The following PAX5 variants were observed in gnomAD, a reference collection of about 807,000 sequenced individuals.
PAX5 encodes the protein paired box protein Pax-5.
PAX5 carries 9 observed loss-of-function variants against 43.7 expected under a neutral mutation model. The observed-to-expected ratio is 0.21, with a 90% CI of 0.12 to 0.36. PAX5 has a LOEUF of 0.36. Ranked by LOEUF, PAX5 falls within the 10% of genes least tolerant of loss-of-function variation. The pLI is 1.00. For missense variants in PAX5, 383 were observed against 532.7 expected (o/e 0.72, Z 2.77); for synonymous variants, 228 against 214.3 (o/e 1.06, Z -0.56).
At chr9:36,895,648 C>T (rs1236736455) in intron 7 of PAX5, among the ~76,000 whole-genome samples, 1 of 152,206 alleles carries the variant, frequency 6.6e-6, no homozygotes, top group Non-Finnish European at 1.5e-5. Context: ...CAGTTATTAC[C>T]TCTGATGCCT....
chr9:36,992,824 A>G (rs1213130718), intron 5 of PAX5, among the ~76,000 whole-genome samples: 2 of 152,258 alleles, frequency 1.3e-5, no homozygotes, highest in African/African-American at 2.4e-5. Flanking sequence ...AGCCTGAAGC[A>G]GAAATTTTCA....
At chr9:37,020,592 C>G (rs1203851034) in intron 2 of PAX5, 44 bp downstream of exon 2, 2 of 1,596,466 alleles carry the variant, frequency 1.3e-6, no homozygotes. Flanking sequence ...TGTTTTAGGT[C>G]TTTATTTGAA....
chr9:36,942,099 G>A (rs1442317472), intron 6 of PAX5, among the ~76,000 whole-genome samples: 1 of 152,202 alleles, frequency 6.6e-6, no homozygotes, highest in Non-Finnish European at 1.5e-5. Context: ...ACATGAACTC[G>A]TGTGCCCACC....
chr9:37,033,373 G>A (rs1193830342), intron 1 of PAX5, among the ~76,000 whole-genome samples: 8 of 152,184 alleles, frequency 5.3e-5, no homozygotes, highest in South Asian at 4.1e-4. Flanking sequence ...TCGGACAGCC[G>A]TTGACATCCA....
chr9:37,024,225 A>T (rs1294150057), intron 1 of PAX5, among the ~76,000 whole-genome samples: 2 of 152,212 alleles, frequency 1.3e-5, no homozygotes, highest in Admixed American at 6.5e-5. Flanking sequence ...GCTCAGGAAG[A>T]GAGCAGGAGG....
At chr9:36,962,241 C>A (rs1172020507) in intron 6 of PAX5, among the ~76,000 whole-genome samples, 1 of 152,158 alleles carries the variant, frequency 6.6e-6, no homozygotes, top group Non-Finnish European at 1.5e-5. Flanking sequence ...CAGGCAGACT[C>A]TGACTGAAAT....
chr9:36,905,638 G>A (rs565941698), intron 7 of PAX5, among the ~76,000 whole-genome samples: 4 of 152,298 alleles, frequency 2.6e-5, no homozygotes, highest in East Asian at 3.9e-4. Context: ...CCTGGATAAA[G>A]GTTCCACTGG....
chr9:36,940,618 C>A (rs1831971013), intron 6 of PAX5, among the ~76,000 whole-genome samples: 1 of 151,988 alleles, frequency 6.6e-6, no homozygotes, highest in Non-Finnish European at 1.5e-5. Flanking sequence ...GGAAAACAGG[C>A]CCTCTAGAAG....
intron 5 of PAX5, among the ~76,000 whole-genome samples, chr9:36,967,133 C>CG (rs1192668693): frequency 1.3e-5 from 2 of 152,134 alleles, no homozygotes; most frequent in Non-Finnish European, 2.9e-5. Context: ...AAGACCTTCC[C>CG]GGGAGGTACA....
Position 36,946,877 on chromosome 9 carries a change from C to CA in PAX5, c.780+19671dup, listed in dbSNP as rs541062330. 2.0e-4 allele frequency among the ~76,000 whole-genome samples: 30 copies of CA among 152,280 alleles called. 1 individual carries two copies. The South Asian group carries it at 6.0e-3, about 31-fold the overall frequency. On this transcript the variant is annotated intron_variant, in intron 6 of 9. Coordinates refer to ENST00000358127, the MANE Select transcript of PAX5 (RefSeq NM_016734.3). ...TTCCCGCTCCTTTGCTCCTAACCCCCAAGCCACAGTGTAAAATGATGACTC... is the reference window on the plus strand; with the variant it reads ...TTCCCGCTCCTTTGCTCCTAACCCCCAAAGCCACAGTGTAAAATGATGACTC...
At chr9:36,873,391 A>T (rs1661583142) in intron 8 of PAX5, among the ~76,000 whole-genome samples, 1 of 152,222 alleles carries the variant, frequency 6.6e-6, no homozygotes, top group African/African-American at 2.4e-5. Context: ...GGCCACCTGC[A>T]TTTCATCGTA....
At chr9:36,932,951 T>G (rs1311366708) in intron 6 of PAX5, among the ~76,000 whole-genome samples, 1 of 150,026 alleles carries the variant, frequency 6.7e-6, no homozygotes, top group Non-Finnish European at 1.5e-5. Context: ...AGGTCAGGAG[T>G]TCAAGACCAG....
At position 36,912,151 on chromosome 9, in the gene PAX5, C is replaced by A. The variant is rs1047532022; in HGVS notation, c.910+11204G>T. ...CAGGACCCTTCGGAGAGCATCCCCA[C>A]GTAGAGAGCTGTCGCTGGGCAAATG... On this transcript the variant is annotated intron_variant, in intron 7 of 9. Coordinates refer to ENST00000358127, the MANE Select transcript of PAX5 (RefSeq NM_016734.3). Among the ~76,000 whole-genome samples, 10 of 152,246 alleles carry A rather than the reference C, an allele frequency of 6.6e-5. No homozygotes were observed. In the East Asian group the frequency reaches 1.9e-3, roughly 29 times the overall value.
At chr9:36,850,432 C>T (rs952086232) in intron 8 of PAX5, among the ~76,000 whole-genome samples, 1 of 152,222 alleles carries the variant, frequency 6.6e-6, no homozygotes, top group Non-Finnish European at 1.5e-5. Context: ...GAAGGACATT[C>T]TTGGGGAAGG....
At chr9:36,982,854 T>A (rs1471720423) in intron 5 of PAX5, among the ~76,000 whole-genome samples, 1 of 152,146 alleles carries the variant, frequency 6.6e-6, no homozygotes, top group East Asian at 1.9e-4. Context: ...TCCACAGAAC[T>A]TCCCAAAAGA....
intron 1 of PAX5, among the ~76,000 whole-genome samples, chr9:37,025,555 C>G (rs958929972): frequency 6.6e-6 from 1 of 152,212 alleles, no homozygotes; most frequent in Admixed American, 6.5e-5. Context: ...CTTCCTCCAG[C>G]CTGGCTCTGC....
chr9:36,996,433 G>A (rs1837404055), intron 5 of PAX5, among the ~76,000 whole-genome samples: 1 of 152,356 alleles, frequency 6.6e-6, no homozygotes, highest in South Asian at 2.1e-4. Flanking sequence ...CTGTGCCTTT[G>A]ACTCAACACC....
At chr9:36,907,449 A>G (rs1320163888) in intron 7 of PAX5, among the ~76,000 whole-genome samples, 1 of 152,144 alleles carries the variant, frequency 6.6e-6, no homozygotes, top group African/African-American at 2.4e-5. Flanking sequence ...CTCTATGCCA[A>G]CAGCCCTGGG....
At chr9:37,005,607 G>A (rs992859699) in intron 4 of PAX5, among the ~76,000 whole-genome samples, 1 of 152,216 alleles carries the variant, frequency 6.6e-6, no homozygotes, top group African/African-American at 2.4e-5. Context: ...CCCCATCACC[G>A]TGTGAGTTCA....
Sources: allele counts gnomAD v4.1 joint callset (sites outside exome capture counted in the v4.1 genomes callset), GRCh38; gene constraint gnomAD v4.1.1; transcripts MANE v1.5; gene names NCBI Gene and HGNC (gene_info 2026-07-23, HGNC 2026-07-21).